The following TMTC2 variants were observed in gnomAD, a reference collection of about 807,000 sequenced individuals.
The protein encoded by TMTC2 is transmembrane O-mannosyltransferase targeting cadherins 2.
TMTC2 carries 43 observed loss-of-function variants against 82.4 expected under a neutral mutation model. The observed-to-expected ratio is 0.52, with a 90% confidence interval of 0.41 to 0.67. The LOEUF (loss-of-function observed/expected upper bound fraction) is 0.67. Among genes scored for constraint, TMTC2 ranks in the 30% least tolerant of loss-of-function variants. The pLI, the probability that TMTC2 is intolerant of heterozygous loss-of-function variation, is 0.00. For missense variants in TMTC2, 919 were observed against 1,012.4 expected, an observed-to-expected ratio of 0.91 and a Z score of 1.25; for synonymous variants, 408 against 381.9, an observed-to-expected ratio of 1.07 and a Z score of -0.80.
chr12:82,868,173 A>T (rs73360215), intron 2 of TMTC2, among the ~76,000 whole-genome samples: 4,688 of 152,244 alleles, frequency 0.031, 250 homozygotes, highest in African/African-American at 0.1. Context: ...TCAGCATTCT[A>T]TGGCATTTTT....
intron 1 of TMTC2, among the ~76,000 whole-genome samples, chr12:82,701,803 T>C (rs960655828): frequency 1.3e-5 from 2 of 151,754 alleles, no homozygotes; most frequent in African/African-American, 4.8e-5. Context: ...TCTCTCCTAA[T>C]TAAAACATCT....
intron 1 of TMTC2, among the ~76,000 whole-genome samples, chr12:82,788,680 C>G (rs537707120): frequency 6.6e-6 from 1 of 152,246 alleles, no homozygotes; most frequent in African/African-American, 2.4e-5. Context: ...AGCTAATGTC[C>G]TGGTCTTTTC....
At chr12:82,886,639 C>T (rs898073881) in intron 2 of TMTC2, among the ~76,000 whole-genome samples, 3 of 152,058 alleles carry the variant, frequency 2.0e-5, no homozygotes, top group South Asian at 2.1e-4. Flanking sequence ...ATATTTTTTG[C>T]GATACCAAAC....
intron 5 of TMTC2, 55 bp downstream of exon 5, chr12:82,965,164 A>T: frequency 7.4e-7 from 1 of 1,346,710 alleles, no homozygotes; most frequent in Admixed American, 1.8e-5. Flanking sequence ...TTTGAAAATT[A>T]ACTCTAATTT....
At chr12:83,026,000 G>A (rs1467546557) in intron 8 of TMTC2, among the ~76,000 whole-genome samples, 1 of 152,076 alleles carries the variant, frequency 6.6e-6, no homozygotes, top group African/African-American at 2.4e-5. Flanking sequence ...GTAATTCAGG[G>A]ATATTTATGG....
chr12:82,928,675 C>T (rs1682574), intron 3 of TMTC2, among the ~76,000 whole-genome samples: 87 of 152,262 alleles, frequency 5.7e-4, no homozygotes, highest in Middle Eastern at 3.4e-3. Context: ...TGCTGTAACA[C>T]TTCAGTATTA....
chr12:82,796,359 A>G (rs993772029), intron 1 of TMTC2, among the ~76,000 whole-genome samples: 16 of 152,144 alleles, frequency 1.1e-4, no homozygotes, highest in African/African-American at 3.6e-4. Flanking sequence ...ACCCCAGCTG[A>G]AGGCTCTCAT....
At chr12:82,856,400 G>A (rs1358238594) in intron 1 of TMTC2, among the ~76,000 whole-genome samples, 1 of 152,118 alleles carries the variant, frequency 6.6e-6, no homozygotes, top group African/African-American at 2.4e-5. Context: ...CAGTTATCTG[G>A]GCCCTTAATA....
chr12:82,706,648 A>T (rs7294890), intron 1 of TMTC2, among the ~76,000 whole-genome samples: 1 of 152,140 alleles, frequency 6.6e-6, no homozygotes, highest in African/African-American at 2.4e-5. Flanking sequence ...GTATTTTAAA[A>T]AGTTAAGAAC....
intron 7 of TMTC2, among the ~76,000 whole-genome samples, chr12:82,968,616 C>CAT (rs1178061003): frequency 1.3e-5 from 2 of 152,134 alleles, no homozygotes; most frequent in African/African-American, 4.8e-5. Context: ...CAACAGACTG[C>CAT]ATGTAGTATT....
At chr12:82,986,381 C>A in intron 8 of TMTC2, 1 of 179,662 alleles carries the variant, frequency 5.6e-6, no homozygotes, top group Non-Finnish European at 1.2e-5. Flanking sequence ...ATATATGCAC[C>A]TATAGAAAAT....
At chr12:82,723,205 C>T (rs1008600251) in intron 1 of TMTC2, among the ~76,000 whole-genome samples, 2 of 152,134 alleles carry the variant, frequency 1.3e-5, no homozygotes, top group African/African-American at 2.4e-5. Context: ...CCCTCAGGCT[C>T]ATAGTTTGGT....
chr12:83,056,819 G>A (rs1592720282), intron 10 of TMTC2, among the ~76,000 whole-genome samples: 1 of 152,020 alleles, frequency 6.6e-6, no homozygotes, highest in East Asian at 1.9e-4. Flanking sequence ...AGCAAAGTGG[G>A]GTGGCAGATG....
At chr12:83,015,091 TA>T (rs1258041646) in intron 8 of TMTC2, among the ~76,000 whole-genome samples, 1 of 152,236 alleles carries the variant, frequency 6.6e-6, no homozygotes, top group African/African-American at 2.4e-5. Flanking sequence ...CTTCTCTTTT[TA>T]TAACATATCA....
intron 1 of TMTC2, among the ~76,000 whole-genome samples, chr12:82,747,147 G>A (rs919913417): frequency 6.6e-6 from 1 of 152,162 alleles, no homozygotes; most frequent in African/African-American, 2.4e-5. Flanking sequence ...GTGGTGACTT[G>A]TTATACAACA....
intron 4 of TMTC2, among the ~76,000 whole-genome samples, chr12:82,952,836 G>A (rs1002936289): frequency 7.9e-5 from 12 of 152,078 alleles, no homozygotes; most frequent in African/African-American, 2.7e-4. Context: ...GCCTCCCAAA[G>A]TGCTGGGATT....
In TMTC2 at chr12:82,969,461, G is replaced by GA. The variant is rs1354601778; in HGVS notation, c.1948+2470dup. 2.6e-5 allele frequency among the ~76,000 whole-genome samples: 4 copies of GA among 152,072 alleles called. No individual in the cohort carries two copies. In the East Asian group the frequency reaches 5.8e-4, roughly 22 times the overall value. On this transcript the variant is annotated intron_variant, in intron 7 of 11. Transcript: ENST00000321196. Reference sequence around the variant, plus strand: ...TTAGGAGAAATAAAGGAGTGTGCGTGAAAAAATACAATTATATTTTAATGT... The same window carrying GA: ...TTAGGAGAAATAAAGGAGTGTGCGTGAAAAAAATACAATTATATTTTAATGT...
intron 1 of TMTC2, among the ~76,000 whole-genome samples, chr12:82,825,176 A>C (rs1468201382): frequency 1.3e-5 from 2 of 152,168 alleles, no homozygotes; most frequent in African/African-American, 2.4e-5. Flanking sequence ...TCCACAGAAG[A>C]GGTGATAAAC....
At chr12:82,692,667 A>C (rs1455460659) in intron 1 of TMTC2, among the ~76,000 whole-genome samples, 1 of 152,222 alleles carries the variant, frequency 6.6e-6, no homozygotes, top group Admixed American at 6.5e-5. Flanking sequence ...GTTCTCTCTT[A>C]GGAGCAGAGT....
Sources: allele counts gnomAD v4.1 joint callset (sites outside exome capture counted in the v4.1 genomes callset), GRCh38; gene constraint gnomAD v4.1.1; transcripts MANE v1.5; gene names NCBI Gene and HGNC (gene_info 2026-07-23, HGNC 2026-07-21).